PDE2A: variants seen among roughly 807,000 people sequenced by gnomAD.
The protein encoded by PDE2A is cGMP-dependent 3',5'-cyclic phosphodiesterase.
PDE2A carries 53 observed loss-of-function variants against 133.6 expected under a neutral mutation model. The observed-to-expected ratio is 0.40, with a 90% CI of 0.32 to 0.50. PDE2A has a LOEUF of 0.50. Among genes scored for constraint, PDE2A ranks in the 20% least tolerant of loss-of-function variants. PDE2A has a pLI of 0.73. For synonymous variants in PDE2A, 491 were observed against 490.2 expected (o/e 1.00, Z -0.02); for missense variants, 796 against 1,232.4 (o/e 0.65, Z 5.30).
At chr11:72,662,651 C>A (rs1699382724) in intron 1 of PDE2A, among the ~76,000 whole-genome samples, 1 of 152,150 alleles carries the variant, frequency 6.6e-6, no homozygotes, top group Admixed American at 6.5e-5. Flanking sequence ...TGCCACACAC[C>A]TGCATTGGTG....
Position 72,577,192 on chromosome 11 carries a change from C to T in PDE2A, c.*192G>A, listed in dbSNP as rs986436558. On this transcript the variant is annotated 3_prime_UTR_variant, in exon 31 of 31. Coordinates refer to ENST00000334456, the MANE Select transcript of PDE2A (RefSeq NM_002599.5). ...CTCAGAAAACAAATTACAAAGTCTC[C>T]GTGAGGTTGGAAGTCTTGCTTCCAT... 24 of 584,084 alleles carry T rather than the reference C, an allele frequency of 4.1e-5. 1 individual carries two copies. The highest frequency in any genetic ancestry group is 1.3e-4 in the South Asian group (6 of 45,088). 36.2% of individuals were successfully genotyped at this position (584,084 alleles called of 1,614,324 possible).
chr11:72,584,693 G>T lies in PDE2A; in HGVS notation c.1395C>A (p.Ile465=). ...GGCCCGTGGTCGCCACGTGTCCCGC[G>T]ATGCCCTGATCGGCCGGGATGCGGA... ...YEIRIPADQG[I]AGHVATTGQI... Residue 465 remains isoleucine (I), a synonymous_variant, in exon 18 of 31, where the codon ATC becomes ATA. Transcript: ENST00000334456. The T allele has an allele frequency of 6.2e-7, 1 of 1,613,396 alleles. No individual in the cohort carries two copies. The highest frequency in any genetic ancestry group is 8.5e-7 in the Non-Finnish European group (1 of 1,180,024).
chr11:72,621,025 G>A (rs902580590), intron 2 of PDE2A, among the ~76,000 whole-genome samples: 3 of 152,152 alleles, frequency 2.0e-5, no homozygotes, highest in East Asian at 1.9e-4. Flanking sequence ...CCAAGTGCCA[G>A]AGACTGCATG....
chr11:72,667,945 G>C (rs1030423850), intron 1 of PDE2A, among the ~76,000 whole-genome samples: 2 of 152,016 alleles, frequency 1.3e-5, no homozygotes, highest in African/African-American at 2.4e-5. Context: ...CATGGAGGAG[G>C]GACAGCAGCA....
intron 2 of PDE2A, among the ~76,000 whole-genome samples, chr11:72,636,950 C>T (rs1205369137): frequency 6.6e-6 from 1 of 152,360 alleles, no homozygotes; most frequent in East Asian, 1.9e-4. Context: ...CACCATCTGG[C>T]TGGGCCAGCT....
chr11:72,627,883 C>G (rs1031000778), intron 2 of PDE2A, among the ~76,000 whole-genome samples: 1 of 152,244 alleles, frequency 6.6e-6, no homozygotes, highest in African/African-American at 2.4e-5. Context: ...TTCAGAGAGA[C>G]AGTAATGATG....
intron 1 of PDE2A, chr11:72,643,043 G>A (rs1391534363): frequency 6.5e-6 from 1 of 154,194 alleles, no homozygotes; most frequent in African/African-American, 2.4e-5. Flanking sequence ...GGCCTGGGTG[G>A]GCAGGTCTCT....
chr11:72,598,974 G>A, intron 4 of PDE2A: 3 of 985,340 alleles, frequency 3.0e-6, no homozygotes, highest in Non-Finnish European at 3.6e-6. Flanking sequence ...TGGCAGGAGG[G>A]CAACGGGAGC....
chr11:72,646,905 A>G (rs1430205446), intron 1 of PDE2A, among the ~76,000 whole-genome samples: 1 of 152,258 alleles, frequency 6.6e-6, no homozygotes, highest in Non-Finnish European at 1.5e-5. Flanking sequence ...TTGAGGGTAA[A>G]GAAATTTGAA....
rs915970235 is a variant in PDE2A, at chr11:72,576,545, T to A, written c.*839A>T. 1.8e-5 allele frequency: 3 copies of A among 168,990 alleles called. No homozygotes were observed. Among genetic ancestry groups the A allele is most frequent in the Non-Finnish European group, 1.5e-5 (1 of 68,382 alleles). 10.5% of individuals were successfully genotyped at this position (168,990 alleles called of 1,614,324 possible). ...GCCTTAGGGTTGCAGAAACATTCCATAGCCTCTGCTGGGACTCCGCAGAGC... is the reference window on the plus strand; with the variant it reads ...GCCTTAGGGTTGCAGAAACATTCCAAAGCCTCTGCTGGGACTCCGCAGAGC... On this transcript the variant is annotated 3_prime_UTR_variant, in exon 31 of 31. Transcript: ENST00000334456.
At chr11:72,594,916 C>G (rs963010945) in intron 6 of PDE2A, among the ~76,000 whole-genome samples, 2 of 152,158 alleles carry the variant, frequency 1.3e-5, no homozygotes, top group African/African-American at 4.8e-5. Context: ...CTGCCTTCCC[C>G]CAGACTGAGA....
intron 1 of PDE2A, among the ~76,000 whole-genome samples, chr11:72,670,194 T>A (rs1248325343): frequency 2.6e-5 from 4 of 152,130 alleles, no homozygotes; most frequent in Non-Finnish European, 5.9e-5. Flanking sequence ...GGCTCTTCCT[T>A]ATAAGGCCAG....
chr11:72,655,478 CAAGT>C (rs902692578), intron 1 of PDE2A, among the ~76,000 whole-genome samples: 5 of 146,756 alleles, frequency 3.4e-5, no homozygotes, highest in East Asian at 2.0e-4. Flanking sequence ...CTCATGCATG[CAAGT>C]GAGTGCCTGT....
Position 72,578,394 on chromosome 11 carries a change from G to A in PDE2A, c.2509-55C>T, listed in dbSNP as rs1855560231. ...CTCTCATTCCTCCATCGGGTACCAGGGTCAGGCTAGTTCAAGCCCTCCCTG... is the reference window on the plus strand; with the variant it reads ...CTCTCATTCCTCCATCGGGTACCAGAGTCAGGCTAGTTCAAGCCCTCCCTG... On this transcript the variant is annotated intron_variant, in intron 29 of 30. Transcript: ENST00000334456. This position sits in a 1 kb window ranked among gnomAD's most constrained non-coding sequence, Gnocchi z 4.2. 6.3e-7 allele frequency: 1 copy of A among 1,575,544 alleles called. No homozygotes were observed. Among genetic ancestry groups the A allele is most frequent in the Admixed American group, 1.7e-5 (1 of 59,964 alleles).
At chr11:72,625,324 G>T (rs1591091878) in intron 2 of PDE2A, among the ~76,000 whole-genome samples, 1 of 152,222 alleles carries the variant, frequency 6.6e-6, no homozygotes, top group Admixed American at 6.5e-5. Flanking sequence ...CCTCGCCCCA[G>T]CCCCAGGGTG....
intron 2 of PDE2A, among the ~76,000 whole-genome samples, chr11:72,613,999 T>C (rs3825009): frequency 0.36 from 54,131 of 152,114 alleles, 11,164 homozygotes; most frequent in Middle Eastern, 0.51. Context: ...AAAGGAGGCA[T>C]CCTGTAGGCT....
Position 72,590,629 on chromosome 11 carries a change from G to T in PDE2A, c.550-49C>A. The T allele has an allele frequency of 7.6e-7, 1 of 1,323,590 alleles. No individual in the cohort carries two copies. The highest frequency in any genetic ancestry group is 2.0e-5 in the South Asian group (1 of 49,316). 82.0% of individuals were successfully genotyped at this position (1,323,590 alleles called of 1,614,324 possible). A position where few individuals can be genotyped will look rare whatever the true frequency, so the allele number is the denominator to read the frequency against. Reference sequence around the variant, plus strand: ...GCGCCGCTCGCCCCAAGCTCGCTGCGCTTGCTGCAGCGGGATTCCTGCCTT... The same window carrying T: ...GCGCCGCTCGCCCCAAGCTCGCTGCTCTTGCTGCAGCGGGATTCCTGCCTT... On this transcript the variant is annotated intron_variant, in intron 7 of 30. Transcript: ENST00000334456. This position sits in a 1 kb window ranked among gnomAD's most constrained non-coding sequence, Gnocchi z 4.8.
intron 2 of PDE2A, among the ~76,000 whole-genome samples, chr11:72,630,360 G>A (rs555972553): frequency 4.5e-4 from 68 of 152,250 alleles, no homozygotes; most frequent in Non-Finnish European, 8.5e-4. Flanking sequence ...AGAGCGCCCT[G>A]GCATCTGACT....
At chr11:72,585,762 G>C (rs1004729193) in intron 14 of PDE2A, among the ~76,000 whole-genome samples, 169 bp from the exon 15 acceptor site, 1 of 152,262 alleles carries the variant, frequency 6.6e-6, no homozygotes, top group East Asian at 1.9e-4. Flanking sequence ...AAGTGAAGGA[G>C]TGAGGGAATA....
Sources: gnomAD v4.1 joint callset for allele counts (sites outside exome capture counted in the v4.1 genomes callset) on GRCh38, gnomAD v4.1.1 for gene constraint, Gnocchi (gnomAD v3.1) non-coding constraint, MANE v1.5 for transcripts, NCBI Gene and HGNC (gene_info 2026-07-23, HGNC 2026-07-21) for gene names.